Variants in TMPRSS15 observed in about 807,000 individuals in gnomAD.
The protein encoded by TMPRSS15 is transmembrane serine protease 15, also known as enteropeptidase.
In TMPRSS15, 128 loss-of-function variants were observed where a neutral mutation model predicts 125.3. The ratio of observed to expected loss-of-function variants is 1.02; its 90% CI spans 0.89 to 1.18. TMPRSS15 has a LOEUF of 1.18. Ranked by LOEUF, TMPRSS15 falls within the 50% of genes most tolerant of loss-of-function variation. The pLI is 0.00. For synonymous variants in TMPRSS15, 446 were observed against 423.2 expected (o/e 1.05, Z -0.66); for missense variants, 1,283 against 1,212.7 (o/e 1.06, Z -0.86).
chr21:18,377,630 G>A (rs1017074117), intron 5 of TMPRSS15, among the ~76,000 whole-genome samples: 32 of 152,082 alleles, frequency 2.1e-4, no homozygotes, highest in African/African-American at 5.8e-4. Flanking sequence ...ATTAGGTAAT[G>A]CGTGAATTCA....
chr21:18,391,177 C>T (rs1336000664), intron 3 of TMPRSS15, among the ~76,000 whole-genome samples: 3 of 152,256 alleles, frequency 2.0e-5, no homozygotes, highest in East Asian at 3.9e-4. Flanking sequence ...AATCTCATGC[C>T]CTCACATTTC....
At chr21:18,381,116 A>T (rs1226678690) in intron 4 of TMPRSS15, among the ~76,000 whole-genome samples, 2 of 152,170 alleles carry the variant, frequency 1.3e-5, no homozygotes, top group African/African-American at 4.8e-5. Flanking sequence ...CCTATGCAAG[A>T]TATAAAGGAA....
intron 13 of TMPRSS15, among the ~76,000 whole-genome samples, 192 bp downstream of exon 13, chr21:18,341,221 C>A (rs1490236296): frequency 6.6e-6 from 1 of 152,126 alleles, no homozygotes; most frequent in African/African-American, 2.4e-5. Context: ...ACCACTGTGC[C>A]CAGCTAATTT....
chr21:18,375,693 T>A (rs907943912), intron 5 of TMPRSS15, among the ~76,000 whole-genome samples: 1 of 152,170 alleles, frequency 6.6e-6, no homozygotes, highest in East Asian at 1.9e-4. Flanking sequence ...CACCAGTAGA[T>A]TAGTATTACT....
At chr21:18,484,901 T>G (rs1440527092) in intron 1 of TMPRSS15, among the ~76,000 whole-genome samples, 6 of 151,886 alleles carry the variant, frequency 4.0e-5, no homozygotes, top group Non-Finnish European at 5.9e-5. Flanking sequence ...TGTCCTTAGC[T>G]CCTTGCATTA....
intron 1 of TMPRSS15, among the ~76,000 whole-genome samples, chr21:18,441,621 A>AAAAG (rs1173817688): frequency 7.1e-6 from 1 of 141,258 alleles, no homozygotes; most frequent in Non-Finnish European, 1.6e-5. Flanking sequence ...AAAAAAAAAA[A>AAAAG]AAAGAAAGAA....
At chr21:18,415,166 A>C (rs1164247392) in intron 1 of TMPRSS15, among the ~76,000 whole-genome samples, 1 of 152,068 alleles carries the variant, frequency 6.6e-6, no homozygotes, top group Non-Finnish European at 1.5e-5. Flanking sequence ...TCTTTGGAGA[A>C]ATGTCTATCA....
Position 18,383,820 on chromosome 21 carries a change from C to A in TMPRSS15, c.345-42G>T, listed in dbSNP as rs764842465. ...GATATAAGAGGAAAAAGTCAGCCATCTTCCACTGATTTGTGTTCAATTCAT... is the reference window on the plus strand; with the variant it reads ...GATATAAGAGGAAAAAGTCAGCCATATTCCACTGATTTGTGTTCAATTCAT... On this transcript the variant is annotated intron_variant, in intron 3 of 24. Transcript: ENST00000284885. The A allele has an allele frequency of 5.0e-6, 8 of 1,599,922 alleles. No individual in the cohort carries two copies. In the South Asian group the frequency reaches 8.9e-5, roughly 18 times the overall value.
At chr21:18,417,857 TCA>T (rs907557030) in intron 1 of TMPRSS15, among the ~76,000 whole-genome samples, 1 of 152,014 alleles carries the variant, frequency 6.6e-6, no homozygotes, top group Non-Finnish European at 1.5e-5. Flanking sequence ...ATACACACAA[TCA>T]CACACATACA....
intron 1 of TMPRSS15, among the ~76,000 whole-genome samples, chr21:18,466,636 T>C (rs562225901): frequency 2.6e-5 from 4 of 152,278 alleles, no homozygotes; most frequent in African/African-American, 9.6e-5. Context: ...AAGACATTTA[T>C]GTGGCTCACA....
intron 1 of TMPRSS15, among the ~76,000 whole-genome samples, chr21:18,440,854 T>C (rs1472318314): frequency 6.6e-6 from 1 of 152,248 alleles, no homozygotes; most frequent in Admixed American, 6.5e-5. Context: ...AATATAGTGA[T>C]TGTTAATAAT....
Position 18,305,423 on chromosome 21 carries a change from C to CT in TMPRSS15, c.2165+7521_2165+7522insA, listed in dbSNP as rs2075026947. Reference sequence around the variant, plus strand: ...CAGGATGGTCTCCATCTCCTGACCTCGTGATCCGCCCTTCTCGGCCTCCCA... The same window carrying CT: ...CAGGATGGTCTCCATCTCCTGACCTCTGTGATCCGCCCTTCTCGGCCTCCCA... On this transcript the variant is annotated intron_variant, in intron 18 of 24. Coordinates refer to ENST00000284885, the MANE Select transcript of TMPRSS15 (RefSeq NM_002772.3). Among the ~76,000 whole-genome samples the CT allele has an allele frequency of 3.3e-5, 5 of 152,052 alleles. 1 individual carries two copies. The highest frequency in any genetic ancestry group is 7.4e-5 in the Non-Finnish European group (5 of 68,002).
intron 1 of TMPRSS15, among the ~76,000 whole-genome samples, chr21:18,470,267 A>T (rs1319156890): frequency 2.0e-5 from 3 of 151,910 alleles, no homozygotes; most frequent in African/African-American, 7.2e-5. Flanking sequence ...TTTCTTGCAT[A>T]CTATTCCATT....
intron 1 of TMPRSS15, among the ~76,000 whole-genome samples, chr21:18,441,463 G>A (rs1456735410): frequency 6.7e-6 from 1 of 150,262 alleles, no homozygotes; most frequent in African/African-American, 2.4e-5. Flanking sequence ...AAAATTCGCT[G>A]GGTGTGGTGG....
rs62215018 is a variant in TMPRSS15, at chr21:18,420,603, T to C, written c.11-22274A>G. ...AAAGCTGTCACACTAGGTCAATAGA[T>C]GCAACAGGTAACAAAAGCACTTGAT... On this transcript the variant is annotated intron_variant, in intron 1 of 7. Transcript: ENST00000422787. Among the ~76,000 whole-genome samples, 220 of 152,368 alleles carry C rather than the reference T, an allele frequency of 1.4e-3. 3 individuals are homozygous for C. The highest frequency in any genetic ancestry group is 1.7e-3 in the Non-Finnish European group (119 of 68,028).
intron 1 of TMPRSS15, among the ~76,000 whole-genome samples, chr21:18,451,001 T>C (rs528585349): frequency 3.7e-5 from 5 of 135,092 alleles, no homozygotes; most frequent in Non-Finnish European, 7.2e-5. Flanking sequence ...CATTTTAAGA[T>C]AATCCACAAT....
At chr21:18,480,228 TCA>T (rs1389502080) in intron 1 of TMPRSS15, among the ~76,000 whole-genome samples, 3 of 151,918 alleles carry the variant, frequency 2.0e-5, no homozygotes, top group Non-Finnish European at 4.4e-5. Flanking sequence ...TGGCCAGTCA[TCA>T]CAGTTTGCAC....
At chr21:18,397,709 T>C (rs1408450584) in intron 3 of TMPRSS15, among the ~76,000 whole-genome samples, 170 bp downstream of exon 3, 3 of 152,184 alleles carry the variant, frequency 2.0e-5, no homozygotes. Flanking sequence ...AAAGTTATTA[T>C]TATTCGCTAC....
chr21:18,312,732 T>A (rs1409998585), intron 18 of TMPRSS15, among the ~76,000 whole-genome samples: 1 of 151,984 alleles, frequency 6.6e-6, no homozygotes, highest in African/African-American at 2.4e-5. Context: ...ATATAATATT[T>A]ACATGTACTT....
Sources: allele counts gnomAD v4.1 joint callset (sites outside exome capture counted in the v4.1 genomes callset), GRCh38; gene constraint gnomAD v4.1.1; transcripts MANE v1.5; gene names NCBI Gene and HGNC (gene_info 2026-07-23, HGNC 2026-07-21).